Variants in SPTAN1 observed in about 807,000 individuals in gnomAD.
SPTAN1 encodes the protein spectrin alpha, non-erythrocytic 1.
SPTAN1 carries 61 observed loss-of-function variants against 331.3 expected under a neutral mutation model. The ratio of observed to expected loss-of-function variants is 0.18; its 90% CI spans 0.15 to 0.23. The LOEUF (loss-of-function observed/expected upper bound fraction) is 0.23. Ranked by LOEUF, SPTAN1 falls within the 10% of genes least tolerant of loss-of-function variation. The pLI, the probability that SPTAN1 is intolerant of heterozygous loss-of-function variation, is 1.00. For synonymous variants in SPTAN1, 1,153 were observed against 1,173.9 expected (o/e 0.98, Z 0.36); for missense variants, 2,043 against 3,147.9 (o/e 0.65, Z 8.40).
chr9:128,625,698 A>G lies in SPTAN1; in HGVS notation c.6070-71A>G. 3.4e-6 allele frequency: 5 copies of G among 1,477,174 alleles called. No homozygotes were observed. The highest frequency in any genetic ancestry group is 3.8e-6 in the Non-Finnish European group (4 of 1,062,920). 91.5% of individuals were successfully genotyped at this position (1,477,174 alleles called of 1,614,324 possible). On this transcript the variant is annotated intron_variant, in intron 47 of 56. Transcript: ENST00000372739. This position sits in a 1 kb window ranked among gnomAD's most constrained non-coding sequence, Gnocchi z 4.1. ...GGCATCTGGGGGACATGCTGGTGCCATCTGAGCCTAGGAAGAGCAAGTTCC... is the reference window on the plus strand; with the variant it reads ...GGCATCTGGGGGACATGCTGGTGCCGTCTGAGCCTAGGAAGAGCAAGTTCC...
At chr9:128,606,196 C>T (rs1855823992) in intron 31 of SPTAN1, among the ~76,000 whole-genome samples, 1 of 150,936 alleles carries the variant, frequency 6.6e-6, no homozygotes, top group East Asian at 2.0e-4. Flanking sequence ...ATGGTGAAAC[C>T]CCATCTCTAC....
At chr9:128,600,757 A>C (rs914885885) in intron 27 of SPTAN1, among the ~76,000 whole-genome samples, 1 of 147,704 alleles carries the variant, frequency 6.8e-6, no homozygotes, top group African/African-American at 2.5e-5. Context: ...CCGCCTCCCC[A>C]GTTCGAGCAA....
intron 4 of SPTAN1, 80 bp from the exon 5 acceptor site, chr9:128,575,119 T>G: frequency 6.3e-7 from 1 of 1,578,198 alleles, no homozygotes; most frequent in Non-Finnish European, 8.7e-7. Context: ...CCGTCCCTAA[T>G]GTGTCTGTTT....
intron 3 of SPTAN1, among the ~76,000 whole-genome samples, chr9:128,574,028 C>T (rs113312491): frequency 1.3e-5 from 2 of 152,190 alleles, no homozygotes; most frequent in Non-Finnish European, 2.9e-5. Context: ...GCTGGAATTA[C>T]AGGCATGAGC....
At chr9:128,608,455 G>A (rs1181244703) in intron 34 of SPTAN1, among the ~76,000 whole-genome samples, 179 bp downstream of exon 34, 1 of 151,986 alleles carries the variant, frequency 6.6e-6, no homozygotes, top group Non-Finnish European at 1.5e-5. Flanking sequence ...TAATAATGGG[G>A]GTGCCACAGG....
chr9:128,614,623 T>A (rs1227146141), intron 40 of SPTAN1, among the ~76,000 whole-genome samples: 1 of 149,684 alleles, frequency 6.7e-6, no homozygotes, highest in Non-Finnish European at 1.5e-5. Context: ...CAAAAATTAA[T>A]TAGCCAAACG....
At position 128,561,429 on chromosome 9, in the gene SPTAN1, C is replaced by T. The variant is rs192070654; in HGVS notation, c.-3-5309C>T. ...CTGTAATCCCAGCTCTTTTGGAGGC[C>T]GAGGCAGGCAGATCACGAGGTCAAG... On this transcript the variant is annotated intron_variant, in intron 1 of 56. Transcript: ENST00000372739. Among the ~76,000 whole-genome samples the T allele has an allele frequency of 3.8e-3, 578 of 150,518 alleles. 3 individuals are homozygous for T. The highest frequency in any genetic ancestry group is 6.4e-3 in the Non-Finnish European group (436 of 67,690).
intron 52 of SPTAN1, 185 bp from the exon 53 acceptor site, chr9:128,631,942 C>T (rs1260461242): frequency 3.2e-6 from 2 of 634,506 alleles, no homozygotes; most frequent in Non-Finnish European, 5.5e-6. Flanking sequence ...AAGTCTCTCC[C>T]TCTATTGAGG....
intron 2 of SPTAN1, among the ~76,000 whole-genome samples, chr9:128,568,058 G>A (rs1476850277): frequency 6.6e-6 from 1 of 151,862 alleles, no homozygotes; most frequent in Non-Finnish European, 1.5e-5. Flanking sequence ...CAATGCACTC[G>A]GCCAAAACTT....
Position 128,607,881 on chromosome 9 carries a change from T to C in SPTAN1, c.4176T>C (p.Ala1392=). Reference sequence around the variant, plus strand: ...ACCGGACAGAAATCGATGCCAGGGCTGGCACTTTCCAGGCATTTGAGCAGT... The same window carrying C: ...ACCGGACAGAAATCGATGCCAGGGCCGGCACTTTCCAGGCATTTGAGCAGT... The part of the protein sequence containing the change: ...QEHRTEIDAR[A]GTFQAFEQFG... The change falls in exon 33 of 57, where the codon GCT becomes GCC. Residue 1392 remains alanine (A), a synonymous_variant. Transcript: ENST00000372739. 6.2e-7 allele frequency: 1 copy of C among 1,614,068 alleles called. No homozygotes were observed. Among genetic ancestry groups the C allele is most frequent in the Non-Finnish European group, 8.5e-7 (1 of 1,180,036 alleles).
At chr9:128,571,005 G>T (rs1329001897) in intron 3 of SPTAN1, among the ~76,000 whole-genome samples, 1 of 152,176 alleles carries the variant, frequency 6.6e-6, no homozygotes, top group African/African-American at 2.4e-5. Flanking sequence ...TTAACTGGCC[G>T]GGCATGGGGC....
intron 31 of SPTAN1, among the ~76,000 whole-genome samples, chr9:128,606,601 A>G (rs2131599137): frequency 6.6e-6 from 1 of 151,072 alleles, no homozygotes; most frequent in East Asian, 2.0e-4. Context: ...CTCCTGCCTC[A>G]GCCTCCCAAG....
At position 128,625,441 on chromosome 9, in the gene SPTAN1, A is replaced by G. The variant is rs1211823959; in HGVS notation, c.6069+262A>G. ...TCAGTTTTCAGCAGGCGAGGGTTGA[A>G]GGGGCAAGTTCTCCTAAGCGAAATC... On this transcript the variant is annotated intron_variant, in intron 47 of 56. Transcript: ENST00000372739. The surrounding 1 kb of genome is among the most constrained non-coding windows in gnomAD (Gnocchi z 4.1). Among the ~76,000 whole-genome samples the G allele has an allele frequency of 1.3e-5, 2 of 152,166 alleles. No individual in the cohort carries two copies. The highest frequency in any genetic ancestry group is 3.9e-4 in the East Asian group (2 of 5,194).
chr9:128,600,149 A>G, intron 27 of SPTAN1, 34 bp downstream of exon 27: 2 of 1,608,778 alleles, frequency 1.2e-6, no homozygotes, highest in Non-Finnish European at 8.5e-7. Context: ...TGTTTTCAAG[A>G]GTTTTGCGAG....
At position 128,627,201 on chromosome 9, in the gene SPTAN1, G is replaced by C. The variant is rs1858897217; in HGVS notation, c.6577-185G>C. The C allele has an allele frequency of 1.5e-6, 1 of 654,312 alleles. No individual in the cohort carries two copies. Among genetic ancestry groups the C allele is most frequent in the Non-Finnish European group, 2.8e-6 (1 of 361,134 alleles). 40.5% of individuals were successfully genotyped at this position (654,312 alleles called of 1,614,324 possible). The stretch of plus-strand genomic sequence containing the variant: ...GTCCGCCTCTTCCTTGAAGCCCCTG[G>C]GGGGTGGGAACAGAGAAAGAACTAC... On this transcript the variant is annotated intron_variant, in intron 49 of 56. Transcript: ENST00000372739. The surrounding 1 kb of genome is among the most constrained non-coding windows in gnomAD (Gnocchi z 4.9).
chr9:128,571,293 A>G, intron 3 of SPTAN1, among the ~76,000 whole-genome samples: 1 of 150,672 alleles, frequency 6.6e-6, no homozygotes, highest in East Asian at 2.0e-4. Context: ...GGGAAAAAGA[A>G]AAAAAAAAAG....
chr9:128,628,041 C>A, intron 51 of SPTAN1, 99 bp downstream of exon 51: 1 of 1,467,164 alleles, frequency 6.8e-7, no homozygotes, highest in Non-Finnish European at 9.6e-7. Flanking sequence ...GATGGGCCTT[C>A]CTGCCCAGGG....
Position 128,572,053 on chromosome 9 carries a change from T to A in SPTAN1, c.364-2622T>A, listed in dbSNP as rs1363256821. 4.6e-5 allele frequency among the ~76,000 whole-genome samples: 7 copies of A among 152,092 alleles called. 1 individual carries two copies. The highest frequency in any genetic ancestry group is 1.7e-4 in the African/African-American group (7 of 41,416). On this transcript the variant is annotated intron_variant, in intron 3 of 56. Transcript: ENST00000372739. ...TTTGTATTTTTAGTAGAGATAGGGATCTTGCCATGTTGCCCAGGCTGGTCT... is the reference window on the plus strand; with the variant it reads ...TTTGTATTTTTAGTAGAGATAGGGAACTTGCCATGTTGCCCAGGCTGGTCT...
chr9:128,577,454 C>A lies in SPTAN1; in HGVS notation c.1033C>A (p.Gln345Lys), dbSNP rs766313282. Residue 345 changes from glutamine (Q) to lysine (K), a missense_variant, in exon 8 of 57, where the codon CAG (glutamine) becomes AAG (lysine). Around this residue, in one of 12 missense-constraint regions of SPTAN1, gnomAD observed 1,038 missense variants for 1,531.5 expected, o/e 0.68. Transcript: ENST00000372739. The surrounding 1 kb of genome is among the most constrained non-coding windows in gnomAD (Gnocchi z 4.2). ...AGAGGAACTGATTACAAACTGGGAGCAGATCCGCACCTTGGCGGCAGAGAG... is the reference window on the plus strand; with the variant it reads ...AGAGGAACTGATTACAAACTGGGAGAAGATCCGCACCTTGGCGGCAGAGAG... ...KREELITNWEQIRTLAAERHA... is the reference protein window; with the variant it reads ...KREELITNWEKIRTLAAERHA... 1 of 1,614,162 alleles carries A rather than the reference C, an allele frequency of 6.2e-7. No individual in the cohort carries two copies.
Sources: gnomAD v4.1 joint callset for allele counts (sites outside exome capture counted in the v4.1 genomes callset) on GRCh38, gnomAD v4.1.1 for gene constraint, gnomAD v4.1.1 regional missense constraint, Gnocchi (gnomAD v3.1) non-coding constraint, MANE v1.5 for transcripts, NCBI Gene and HGNC (gene_info 2026-07-23, HGNC 2026-07-21) for gene names.